NXN: variants seen among roughly 807,000 people sequenced by gnomAD.
The protein encoded by NXN is nucleoredoxin, also known as nucleoredoxin 1.
In NXN, 16 loss-of-function variants were observed where a neutral mutation model predicts 48.6. The ratio of observed to expected loss-of-function variants is 0.33; its 90% CI spans 0.22 to 0.50. The LOEUF (loss-of-function observed/expected upper bound fraction) is 0.50. Ranked by LOEUF, NXN falls within the 20% of genes least tolerant of loss-of-function variation. The pLI, the probability that NXN is intolerant of heterozygous loss-of-function variation, is 0.98. For synonymous variants in NXN, 281 were observed against 269.6 expected, an observed-to-expected ratio of 1.04 and a Z score of -0.41; for missense variants, 492 against 605.5, an observed-to-expected ratio of 0.81 and a Z score of 1.97.
In NXN at chr17:919,413, T is replaced by C. The variant is rs1412296362; in HGVS notation, c.360+59906A>G. The stretch of plus-strand genomic sequence containing the variant: ...AATGATTATTCCAATTAAACAGCTT[T>C]TATTACAATACTCTGTCAATGCAGG... On this transcript the variant is annotated intron_variant, in intron 1 of 7. Transcript: ENST00000336868. The surrounding 1 kb of genome is among the most constrained non-coding windows in gnomAD (Gnocchi z 5.1). Among the ~76,000 whole-genome samples, 2 of 152,154 alleles carry C rather than the reference T, an allele frequency of 1.3e-5. No individual in the cohort carries two copies. Among genetic ancestry groups the C allele is most frequent in the Non-Finnish European group, 2.9e-5 (2 of 68,024 alleles).
rs192250974 is a variant in NXN, at chr17:813,370, G to C, written c.820+6069C>G. 1.5e-3 allele frequency among the ~76,000 whole-genome samples: 222 copies of C among 152,354 alleles called. 2 individuals are homozygous for C. The highest frequency in any genetic ancestry group is 4.6e-3 in the African/African-American group (191 of 41,586). Reference sequence around the variant, plus strand: ...GTGAAACCAGGGACTGAGTGAGACGGGCTCTGAAGGAGAAACGGCCCCCGG... The same window carrying C: ...GTGAAACCAGGGACTGAGTGAGACGCGCTCTGAAGGAGAAACGGCCCCCGG... On this transcript the variant is annotated intron_variant, in intron 5 of 7. Transcript: ENST00000336868.
intron 1 of NXN, chr17:842,539 A>G (rs1039015185): frequency 1.0e-6 from 1 of 985,424 alleles, no homozygotes; most frequent in Non-Finnish European, 1.2e-6. Flanking sequence ...GAAGACGCCA[A>G]CCAGAGGCAC....
intron 1 of NXN, among the ~76,000 whole-genome samples, chr17:960,788 A>AT (rs1159400723): frequency 0.038 from 5,253 of 138,098 alleles, 234 homozygotes; most frequent in East Asian, 0.23. Context: ...AATTAACTCG[A>AT]TTTTTTTTTT....
chr17:882,558 C>T (rs561174302), intron 1 of NXN, among the ~76,000 whole-genome samples: 34 of 152,082 alleles, frequency 2.2e-4, no homozygotes, highest in Admixed American at 1.5e-3. Context: ...CTCCGCCTCC[C>T]GGGTTCACGC....
At chr17:828,576 A>G (rs781081253) in intron 1 of NXN, among the ~76,000 whole-genome samples, 1 of 148,126 alleles carries the variant, frequency 6.8e-6, no homozygotes, top group Non-Finnish European at 1.5e-5. Context: ...TAATTTTTCT[A>G]TTTTCAGTAG....
chr17:918,771 A>T (rs1479061335), intron 1 of NXN, among the ~76,000 whole-genome samples: 1 of 95,660 alleles, frequency 1.0e-5, no homozygotes, highest in Admixed American at 1.4e-4. Flanking sequence ...CCAGCCTGGG[A>T]GACAGAGACT....
intron 1 of NXN, among the ~76,000 whole-genome samples, chr17:891,940 AC>A (rs1170668413): frequency 3.8e-3 from 473 of 124,608 alleles, no homozygotes; most frequent in South Asian, 8.5e-3. Context: ...CCAACAGGGA[AC>A]CTAAACTAAC....
At chr17:923,624 C>T (rs749617085) in intron 1 of NXN, among the ~76,000 whole-genome samples, 1 of 152,260 alleles carries the variant, frequency 6.6e-6, no homozygotes, top group Non-Finnish European at 1.5e-5. Context: ...TCACTATTTG[C>T]AGACCTGCAA....
chr17:963,943 G>A (rs2069270767), intron 1 of NXN, among the ~76,000 whole-genome samples: 1 of 151,908 alleles, frequency 6.6e-6, no homozygotes, highest in African/African-American at 2.4e-5. Flanking sequence ...CGGGCGTGGT[G>A]GCGGGCGCCT....
chr17:905,270 T>TATATATATATATATAGATAG (rs1488360942), intron 1 of NXN: 112 of 149,490 alleles, frequency 7.5e-4, no homozygotes, highest in Middle Eastern at 3.4e-3. Context: ...TATATATATA[T>TATATATATATATATAGATAG]ATAGATGCCG....
chr17:856,713 C>G (rs1009737283), intron 1 of NXN, among the ~76,000 whole-genome samples: 1 of 152,064 alleles, frequency 6.6e-6, no homozygotes, highest in Non-Finnish European at 1.5e-5. Context: ...TGGTCTTGAA[C>G]TCCTGGCCAC....
At chr17:955,321 C>G (rs2150622298) in intron 1 of NXN, among the ~76,000 whole-genome samples, 1 of 151,948 alleles carries the variant, frequency 6.6e-6, no homozygotes, top group Admixed American at 6.5e-5. Flanking sequence ...GCATGCGCCA[C>G]CACACCCTGC....
chr17:953,885 A>G (rs55988516), intron 1 of NXN, among the ~76,000 whole-genome samples: 6,053 of 152,062 alleles, frequency 0.04, 152 homozygotes, highest in Admixed American at 0.056. Flanking sequence ...GCAGTGGGCC[A>G]TGACCGTGCC....
intron 1 of NXN, among the ~76,000 whole-genome samples, chr17:924,730 TTCC>T (rs1407501443): frequency 7.9e-5 from 12 of 152,044 alleles, no homozygotes; most frequent in Non-Finnish European, 1.2e-4. Flanking sequence ...TTCCGTTCCG[TTCC>T]GTTCCCCTGC....
intron 1 of NXN, among the ~76,000 whole-genome samples, chr17:834,930 G>A (rs917484628): frequency 5.3e-5 from 8 of 150,204 alleles, no homozygotes; most frequent in African/African-American, 1.9e-4. Context: ...GAGCCACCAC[G>A]CCTGGCCCCA....
chr17:908,411 C>A (rs1175757648), intron 1 of NXN, among the ~76,000 whole-genome samples: 3 of 152,046 alleles, frequency 2.0e-5, no homozygotes, highest in African/African-American at 7.2e-5. Flanking sequence ...TGGTGGGAGC[C>A]TGTAATCCCA....
In NXN at chr17:806,280, TTCCCCAGGGCTGCAGC is replaced by T. The variant is rs1184549112; in HGVS notation, c.821-1049_821-1034del. ...CGCCGTCTGCACCCCAGCTCCCCCC[TTCCCCAGGGCTGCAGC>T]CCCCGCCGTCTGCACCCCAGCTCCC... On this transcript the variant is annotated intron_variant, in intron 5 of 7. Transcript: ENST00000336868. Among the ~76,000 whole-genome samples the T allele has an allele frequency of 1.5e-3, 60 of 39,004 alleles. 2 individuals carry two copies. Among genetic ancestry groups the T allele is most frequent in the African/African-American group, 4.9e-3 (57 of 11,648 alleles). 25.6% of individuals were successfully genotyped at this position (39,004 alleles called of 152,430 possible).
intron 1 of NXN, among the ~76,000 whole-genome samples, chr17:895,103 G>A (rs7406511): frequency 0.46 from 65,828 of 141,700 alleles, 15,406 homozygotes; most frequent in East Asian, 0.63. Flanking sequence ...TGCAACCTCC[G>A]CCTCCTGGGT....
At chr17:901,498 C>T (rs1785506133) in intron 1 of NXN, among the ~76,000 whole-genome samples, 1 of 152,158 alleles carries the variant, frequency 6.6e-6, no homozygotes, top group African/African-American at 2.4e-5. Flanking sequence ...CCTCTGCTTC[C>T]TCGTTACTAA....
Sources: gnomAD v4.1 joint callset for allele counts (sites outside exome capture counted in the v4.1 genomes callset) on GRCh38, gnomAD v4.1.1 for gene constraint, Gnocchi (gnomAD v3.1) non-coding constraint, MANE v1.5 for transcripts, NCBI Gene and HGNC (gene_info 2026-07-23, HGNC 2026-07-21) for gene names.